ZC3HC1: variants seen among roughly 807,000 people sequenced by gnomAD.
The protein encoded by ZC3HC1 is zinc finger C3HC-type containing 1.
A neutral mutation model predicts 61.9 loss-of-function variants in ZC3HC1; 38 were observed. The observed-to-expected ratio is 0.61, with a 90% CI of 0.47 to 0.81. The LOEUF (loss-of-function observed/expected upper bound fraction) is 0.81, where lower values mean the gene tolerates loss of function less well. Among genes scored for constraint, ZC3HC1 ranks in the 30% least tolerant of loss-of-function variants. The pLI, the probability that ZC3HC1 is intolerant of heterozygous loss-of-function variation, is 0.00. For synonymous variants in ZC3HC1, 213 were observed against 229.9 expected (o/e 0.93, Z 0.67); for missense variants, 554 against 622.7 (o/e 0.89, Z 1.17).
In ZC3HC1 at chr7:130,051,211, G is replaced by A. The variant is rs1271008306; in HGVS notation, c.146+10C>T. On this transcript the variant is annotated intron_variant, in intron 1 of 9. Transcript: ENST00000358303. ...CCAACGCCGGACCCAGGGTTAACTC[G>A]TGAACTCACGCGTCCACGCCTCCCT... is the stretch of plus-strand genomic sequence containing the variant. 6.2e-7 allele frequency: 1 copy of A among 1,601,924 alleles called. No individual in the cohort carries two copies. The highest frequency in any genetic ancestry group is 2.3e-5 in the East Asian group (1 of 43,986).
chr7:130,018,667 G>A lies in ZC3HC1; in HGVS notation c.1506C>T (p.Cys502=), dbSNP rs937285376. 6.8e-6 allele frequency: 11 copies of A among 1,609,036 alleles called. No homozygotes were observed. Among genetic ancestry groups the A allele is most frequent in the East Asian group, 6.7e-5 (3 of 44,780 alleles). Residue 502 remains cysteine, a synonymous_variant, in exon 10 of 10, where the codon TGC becomes TGT. Coordinates refer to ENST00000358303, the MANE Select transcript of ZC3HC1 (RefSeq NM_016478.5). ...IFRQWESLCS[C] Reference sequence around the variant, plus strand: ...CCAGGAAGGCGCTGGAGTATCTTCAGCATGAGCACAGAGATTCCCACTGCC... The same window carrying A: ...CCAGGAAGGCGCTGGAGTATCTTCAACATGAGCACAGAGATTCCCACTGCC...
chr7:130,039,972 A>G (rs755974665), intron 3 of ZC3HC1, among the ~76,000 whole-genome samples: 6 of 151,246 alleles, frequency 4.0e-5, no homozygotes, highest in Non-Finnish European at 7.4e-5. Flanking sequence ...CACCCACTTC[A>G]GCCTCCCAAA....
intron 2 of ZC3HC1, among the ~76,000 whole-genome samples, chr7:130,044,219 T>C (rs1450192730): frequency 6.6e-6 from 1 of 152,196 alleles, no homozygotes; most frequent in Non-Finnish European, 1.5e-5. Context: ...AGACAGGATC[T>C]TGCTATGTTG....
chr7:130,021,449 A>G (rs1793639360), intron 9 of ZC3HC1, among the ~76,000 whole-genome samples: 1 of 152,206 alleles, frequency 6.6e-6, no homozygotes, highest in East Asian at 1.9e-4. Flanking sequence ...ATCACTTCCA[A>G]TCTTTACACA....
rs762212884 is a variant in ZC3HC1 at position 130,051,222 on chromosome 7, C to G, written c.145G>C (p.Ala49Pro). ...GIAPEEGGVD[A>P]KDTSATSQSV... ...CCCAGGGTTAACTCGTGAACTCACGCGTCCACGCCTCCCTCTTCCGGGGCA... is the reference window on the plus strand; with the variant it reads ...CCCAGGGTTAACTCGTGAACTCACGGGTCCACGCCTCCCTCTTCCGGGGCA... Residue 49 changes from alanine (A) to proline (P), a missense_variant and splice_region_variant, in exon 1 of 10, where the codon GCG (alanine) becomes CCG (proline). Ala to Pro is a conservative substitution (Grantham distance 27). Transcript: ENST00000358303. 5.6e-6 allele frequency: 9 copies of G among 1,605,360 alleles called. No homozygotes were observed. The highest frequency in any genetic ancestry group is 7.6e-6 in the Non-Finnish European group (9 of 1,176,652).
intron 1 of ZC3HC1, 109 bp from the exon 2 acceptor site, chr7:130,049,253 T>C: frequency 1.5e-6 from 1 of 673,742 alleles, no homozygotes; most frequent in East Asian, 3.1e-5. Flanking sequence ...CGCTGGATTT[T>C]AAGCTTCCTA....
In ZC3HC1 at chr7:130,022,359, G is replaced by A. The variant is rs761188553; in HGVS notation, c.1400C>T (p.Ala467Val). Residue 467 changes from alanine to valine, a missense_variant, in exon 9 of 10, where the codon GCG becomes GTG. Transcript: ENST00000358303. ...AGCTGGCTGGCTAGACTGTTTGTGC[G>A]CCAAGAGGATGGTCAGCACTGCTTT... The part of the protein sequence containing the change: ...GWKAVLTILL[A>V]HKQSSQPAET... 46 of 1,613,970 alleles carry A rather than the reference G, an allele frequency of 2.9e-5. 1 individual carries two copies. The Middle Eastern group carries it at 4.9e-4, about 17-fold the overall frequency.
chr7:130,048,671 G>C (rs1009983110), intron 2 of ZC3HC1, among the ~76,000 whole-genome samples: 1 of 152,158 alleles, frequency 6.6e-6, no homozygotes, highest in Non-Finnish European at 1.5e-5. Flanking sequence ...TCTTGGGCAA[G>C]TCATATAACC....
At chr7:130,029,599 T>C (rs1354737405) in intron 4 of ZC3HC1, among the ~76,000 whole-genome samples, 1 of 152,122 alleles carries the variant, frequency 6.6e-6, no homozygotes, top group Non-Finnish European at 1.5e-5. Context: ...TTCAAAACAA[T>C]GCAGAGGGGC....
intron 2 of ZC3HC1, among the ~76,000 whole-genome samples, chr7:130,047,894 TTGAGA>T (rs886181415): frequency 2.6e-5 from 4 of 152,188 alleles, no homozygotes; most frequent in Non-Finnish European, 5.9e-5. Flanking sequence ...GATGTCACTT[TTGAGA>T]TTAGATTACA....
At chr7:130,024,783 C>T (rs1409328451) in intron 6 of ZC3HC1, among the ~76,000 whole-genome samples, 2 of 151,532 alleles carry the variant, frequency 1.3e-5, no homozygotes, top group Admixed American at 6.6e-5. Context: ...GTGGCTCATG[C>T]CTGTAATCCC....
At chr7:130,020,082 T>C (rs1793571652) in intron 9 of ZC3HC1, among the ~76,000 whole-genome samples, 1 of 151,976 alleles carries the variant, frequency 6.6e-6, no homozygotes, top group Non-Finnish European at 1.5e-5. Context: ...CCCAAAGTGC[T>C]GGGATTACAG....
At chr7:130,022,591 T>C in intron 8 of ZC3HC1, 66 bp from the exon 9 acceptor site, 6 of 1,545,986 alleles carry the variant, frequency 3.9e-6, no homozygotes, top group Admixed American at 1.8e-5. Flanking sequence ...GAGGCACTGC[T>C]GTTAGTTATC....
chr7:130,051,398 G>C (rs1795074026), upstream of ZC3HC1: 1 of 1,611,974 alleles, frequency 6.2e-7, no homozygotes, highest in East Asian at 2.2e-5. Context: ...TTCCCCGAGA[G>C]TTTGAAGGCT....
At chr7:130,047,614 T>C (rs6968017) in intron 2 of ZC3HC1, among the ~76,000 whole-genome samples, 1 of 149,060 alleles carries the variant, frequency 6.7e-6, no homozygotes, top group Non-Finnish European at 1.5e-5. Flanking sequence ...GAGACCTGCC[T>C]GGGCAACATA....
At position 130,022,197 on chromosome 7, in the gene ZC3HC1, A is replaced by G. The variant is rs75128101; in HGVS notation, c.1440+122T>C. On this transcript the variant is annotated intron_variant, in intron 9 of 9. Transcript: ENST00000358303. The stretch of plus-strand genomic sequence containing the variant: ...AAAAAACAAACAAACAAACAAAAAA[A>G]CCCAAATAACTTGACGTATGAAAGC... 933 of 1,285,826 alleles carry G rather than the reference A, an allele frequency of 7.3e-4. 13 individuals are homozygous for G. In the African/African-American group the frequency reaches 0.012, roughly 16 times the overall value. 79.7% of individuals were successfully genotyped at this position (1,285,826 alleles called of 1,614,324 possible).
At chr7:130,051,442 C>T, upstream of ZC3HC1, 3 of 1,595,382 alleles carry the variant, frequency 1.9e-6, no homozygotes, top group Non-Finnish European at 2.6e-6. Flanking sequence ...TAATATCCGC[C>T]TCTTGAGGCA....
At chr7:130,049,603 G>A (rs1321564502) in intron 1 of ZC3HC1, among the ~76,000 whole-genome samples, 1 of 151,356 alleles carries the variant, frequency 6.6e-6, no homozygotes, top group Non-Finnish European at 1.5e-5. Context: ...GGAGTGCAAC[G>A]GTGCGATCTC....
intron 9 of ZC3HC1, 112 bp downstream of exon 9, chr7:130,022,207 C>G: frequency 7.4e-7 from 1 of 1,358,472 alleles, no homozygotes; most frequent in Non-Finnish European, 1.0e-6. Context: ...ACCCAAATAA[C>G]TTGACGTATG....
Sources: allele counts gnomAD v4.1 joint callset (sites outside exome capture counted in the v4.1 genomes callset), GRCh38; gene constraint gnomAD v4.1.1; transcripts MANE v1.5; gene names NCBI Gene and HGNC (gene_info 2026-07-23, HGNC 2026-07-21).